The following DLGAP2 variants were observed in gnomAD, a reference collection of about 807,000 sequenced individuals.
DLGAP2 encodes the protein DLG associated protein 2.
DLGAP2 carries 26 observed loss-of-function variants against 100.3 expected under a neutral mutation model. That is an observed-to-expected ratio of 0.26 (90% CI 0.19 to 0.36). DLGAP2 has a LOEUF of 0.36. DLGAP2 is among the 10% of genes least tolerant of loss of function. The probability of loss-of-function intolerance (pLI) is 1.00; values close to 1 mark genes in which losing one functional copy is unlikely to be tolerated. For synonymous variants in DLGAP2, 886 were observed against 630.1 expected (o/e 1.41, Z -6.08); for missense variants, 1,858 against 1,453.2 (o/e 1.28, Z -4.53).
chr8:1,683,551 G>A (rs1799014225), intron 12 of DLGAP2, among the ~76,000 whole-genome samples: 2 of 151,244 alleles, frequency 1.3e-5, no homozygotes, highest in African/African-American at 4.8e-5. Flanking sequence ...CTTCAATGAA[G>A]TGGCCACATT....
chr8:871,201 C>G (rs775134615), intron 1 of DLGAP2, among the ~76,000 whole-genome samples: 1 of 152,346 alleles, frequency 6.6e-6, no homozygotes, highest in Admixed American at 6.5e-5. Context: ...CAGAGAAGGC[C>G]GGTTGCAGGC....
intron 2 of DLGAP2, among the ~76,000 whole-genome samples, chr8:1,206,574 G>T (rs371026795): frequency 0.016 from 529 of 33,186 alleles, 52 homozygotes; most frequent in African/African-American, 0.057. Flanking sequence ...ATCCGTGGGC[G>T]GGGGTAGACT....
At chr8:1,430,708 C>A (rs531961575) in intron 3 of DLGAP2, among the ~76,000 whole-genome samples, 51 of 152,310 alleles carry the variant, frequency 3.3e-4, no homozygotes, top group African/African-American at 1.2e-3. Context: ...TTTAAGTATT[C>A]TTTTCTATCA....
intron 1 of DLGAP2, among the ~76,000 whole-genome samples, chr8:796,616 T>C (rs1189889111): frequency 6.6e-6 from 1 of 152,202 alleles, no homozygotes; most frequent in Admixed American, 6.5e-5. Flanking sequence ...AGCCTAGCAG[T>C]GCGTCCCTCC....
At chr8:1,258,658 G>A (rs989163434) in intron 2 of DLGAP2, among the ~76,000 whole-genome samples, 193 bp from the exon 3 acceptor site, 4 of 152,128 alleles carry the variant, frequency 2.6e-5, no homozygotes, top group Non-Finnish European at 5.9e-5. Flanking sequence ...TTTGCCAAGG[G>A]TAGCTTTTGA....
chr8:1,575,149 G>A (rs541998215), intron 6 of DLGAP2, among the ~76,000 whole-genome samples: 5 of 152,144 alleles, frequency 3.3e-5, no homozygotes, highest in African/African-American at 7.2e-5. Context: ...ATTCCACACC[G>A]TATCTGCTGC....
intron 2 of DLGAP2, among the ~76,000 whole-genome samples, chr8:1,212,670 G>C (rs544816360): frequency 1.5e-4 from 23 of 152,172 alleles, no homozygotes; most frequent in African/African-American, 5.5e-4. Context: ...ACTGTTGCCA[G>C]CAAATGACCT....
chr8:1,420,943 G>C (rs960586255), intron 3 of DLGAP2, among the ~76,000 whole-genome samples: 5 of 152,136 alleles, frequency 3.3e-5, no homozygotes, highest in Middle Eastern at 3.2e-3. Flanking sequence ...TCGATTGGCT[G>C]TTTTGAGGCT....
intron 3 of DLGAP2, among the ~76,000 whole-genome samples, chr8:1,470,397 A>T (rs990705098): frequency 6.6e-6 from 1 of 152,136 alleles, no homozygotes; most frequent in African/African-American, 2.4e-5. Flanking sequence ...AGCTGGATTC[A>T]TTCTGAGTGG....
chr8:1,375,387 T>G (rs1193902575), intron 3 of DLGAP2, among the ~76,000 whole-genome samples: 14 of 52,328 alleles, frequency 2.7e-4, no homozygotes, highest in Non-Finnish European at 4.2e-4. Flanking sequence ...CTCCTACATT[T>G]GGGTTAACGA....
chr8:838,426 T>C (rs1796922032), intron 1 of DLGAP2, among the ~76,000 whole-genome samples: 1 of 151,928 alleles, frequency 6.6e-6, no homozygotes, highest in South Asian at 2.1e-4. Context: ...TTTAATTTTA[T>C]TTTTAGTGCT....
rs1244854464 is a variant in DLGAP2, at chr8:1,288,166, TAGG to T, written c.106+29287_106+29289del. On this transcript the variant is annotated intron_variant, in intron 3 of 14. Transcript: ENST00000637795. ...TATGTGTGTGTGTGTGTGTTTCTGT[TAGG>T]AGGGGAACTAGTTTCGGTTGAGTGT... Among the ~76,000 whole-genome samples the T allele has an allele frequency of 1.7e-3, 210 of 121,952 alleles. 1 individual carries two copies. Among genetic ancestry groups the T allele is most frequent in the African/African-American group, 6.0e-3 (184 of 30,572 alleles). The allele number at this position is 121,952 out of a possible 152,430, so 80.0% of individuals were successfully genotyped here.
intron 4 of DLGAP2, among the ~76,000 whole-genome samples, chr8:1,536,394 A>C (rs1342862257): frequency 6.6e-6 from 1 of 152,210 alleles, no homozygotes; most frequent in Non-Finnish European, 1.5e-5. Context: ...TATCTTATTC[A>C]TTCCTAAAAA....
chr8:1,059,726 A>AG (rs1337161137), intron 2 of DLGAP2, among the ~76,000 whole-genome samples: 1 of 152,028 alleles, frequency 6.6e-6, no homozygotes, highest in East Asian at 1.9e-4. Context: ...GGGAAGGCTG[A>AG]GGGGCGTGAG....
chr8:1,020,584 C>T (rs578210386), intron 2 of DLGAP2, among the ~76,000 whole-genome samples: 1 of 152,334 alleles, frequency 6.6e-6, no homozygotes, highest in African/African-American at 2.4e-5. Flanking sequence ...AGAGTGAACG[C>T]ATTGACAGCA....
intron 2 of DLGAP2, among the ~76,000 whole-genome samples, chr8:1,098,170 C>A (rs1040905262): frequency 2.0e-5 from 3 of 152,264 alleles, no homozygotes; most frequent in Non-Finnish European, 2.9e-5. Flanking sequence ...GCATCCCGGC[C>A]TTGGAGCTGG....
chr8:940,304 C>A (rs1205250081), intron 2 of DLGAP2, among the ~76,000 whole-genome samples: 1 of 151,942 alleles, frequency 6.6e-6, no homozygotes, highest in Non-Finnish European at 1.5e-5. Context: ...AAACCAATGC[C>A]TGCGACATGA....
intron 1 of DLGAP2, chr8:738,856 C>A: frequency 6.5e-6 from 1 of 152,794 alleles, no homozygotes; most frequent in South Asian, 2.0e-4. Context: ...GCGGAGCCCC[C>A]GGACAGCGTA....
intron 3 of DLGAP2, among the ~76,000 whole-genome samples, chr8:1,277,853 C>G (rs554520286): frequency 2.0e-5 from 3 of 152,278 alleles, no homozygotes; most frequent in Admixed American, 2.0e-4. Context: ...AGTGACTGCA[C>G]AAGGACAGTT....
Sources: gnomAD v4.1 joint callset for allele counts (sites outside exome capture counted in the v4.1 genomes callset) on GRCh38, gnomAD v4.1.1 for gene constraint, MANE v1.5 for transcripts, NCBI Gene and HGNC (gene_info 2026-07-23, HGNC 2026-07-21) for gene names.